TRIM5: variants seen among roughly 807,000 people sequenced by gnomAD.
TRIM5 encodes the protein tripartite motif-containing protein 5.
Under a neutral mutation model 35.6 loss-of-function variants are expected in TRIM5, and 31 were observed. That is an observed-to-expected ratio of 0.87 (90% confidence interval 0.65 to 1.18). The LOEUF is 1.18. Among genes scored for constraint, TRIM5 ranks in the 50% most tolerant of loss-of-function variants. TRIM5 has a pLI of 0.00. For synonymous variants in TRIM5, 243 were observed against 215.6 expected (o/e 1.13, Z -1.11); for missense variants, 609 against 591.6 (o/e 1.03, Z -0.31).
At chr11:5,608,400 T>A in the TRIM5 span, 2 of 1,613,702 alleles carry the variant, frequency 1.2e-6, no homozygotes, top group South Asian at 2.2e-5. Context: ...GAAAGGTATG[T>A]GTAAGGAGAA....
the TRIM5 span, among the ~76,000 whole-genome samples, chr11:5,655,907 G>T: frequency 2.0e-5 from 3 of 152,184 alleles, no homozygotes; most frequent in Non-Finnish European, 4.4e-5. Context: ...ATGGGGAAAG[G>T]ATTCTCTATT....
At chr11:5,636,903 T>C in the TRIM5 span, among the ~76,000 whole-genome samples, 5 of 152,198 alleles carry the variant, frequency 3.3e-5, no homozygotes, top group African/African-American at 9.7e-5. Flanking sequence ...TCCCAGCACT[T>C]TGGGAGGCCG....
chr11:5,678,467 A>C (rs371853208), intron 3 of TRIM5, 33 bp from the exon 4 acceptor site: 17 of 1,471,188 alleles, frequency 1.2e-5, no homozygotes, highest in Non-Finnish European at 1.5e-5. Flanking sequence ...AGGGGCACTC[A>C]GTCTACCAGG....
chr11:5,671,037 G>T (rs141556043), intron 4 of TRIM5, among the ~76,000 whole-genome samples: 37 of 152,090 alleles, frequency 2.4e-4, no homozygotes, highest in African/African-American at 8.4e-4. Context: ...ACCAGCCTGG[G>T]CAACATGGTG....
intron 3 of TRIM5, among the ~76,000 whole-genome samples, chr11:5,678,769 A>C (rs1852193095): frequency 6.6e-6 from 1 of 152,178 alleles, no homozygotes; most frequent in African/African-American, 2.4e-5. Context: ...TGAGGACAGA[A>C]TCATGAGCCA....
At chr11:5,609,472 C>T in the TRIM5 span, among the ~76,000 whole-genome samples, 2 of 152,158 alleles carry the variant, frequency 1.3e-5, no homozygotes, top group African/African-American at 4.8e-5. Context: ...CATCTTCAAC[C>T]CCTCTGATTT....
chr11:5,643,106 T>C, the TRIM5 span: 1 of 1,075,100 alleles, frequency 9.3e-7, no homozygotes, highest in Non-Finnish European at 1.2e-6. Flanking sequence ...GATGATTATA[T>C]TCATATACAT....
chr11:5,611,415 TTCTG>T, the TRIM5 span: 1 of 1,200,106 alleles, frequency 8.3e-7, no homozygotes, highest in Non-Finnish European at 1.2e-6. Flanking sequence ...CCTTCTGATC[TTCTG>T]TTTTTCTGTG....
the TRIM5 span, chr11:5,642,655 A>G: frequency 7.3e-7 from 1 of 1,378,164 alleles, no homozygotes; most frequent in East Asian, 2.5e-5. Context: ...GGATGCATTT[A>G]TATGTAAGGA....
chr11:5,639,077 C>T, the TRIM5 span, among the ~76,000 whole-genome samples: 5 of 152,048 alleles, frequency 3.3e-5, no homozygotes, highest in African/African-American at 1.2e-4. Context: ...GGCCCTGGTA[C>T]AAGTTGTATG....
the TRIM5 span, chr11:5,612,489 A>ATATT: frequency 2.0e-5 from 3 of 152,238 alleles, no homozygotes; most frequent in South Asian, 2.1e-4. Context: ...AATCCAATAC[A>ATATT]TATTTTTCTC....
At chr11:5,609,837 C>T in the TRIM5 span, among the ~76,000 whole-genome samples, 19 of 152,236 alleles carry the variant, frequency 1.2e-4, no homozygotes, top group East Asian at 5.8e-4. Flanking sequence ...GCAGGAGAAT[C>T]GCTTGAACCT....
Position 5,664,897 on chromosome 11 carries a change from G to T in TRIM5, c.1394C>A (p.Ser465Tyr), listed in dbSNP as rs769243083. 2 of 1,613,998 alleles carry T rather than the reference G, an allele frequency of 1.2e-6. No individual in the cohort carries two copies. Among genetic ancestry groups the T allele is most frequent in the Middle Eastern group, 1.7e-4 (1 of 6,060 alleles). Residue 465 changes from serine (S) to tyrosine (Y), a missense_variant, in exon 8 of 8, where the codon TCT becomes TAT. Coordinates refer to ENST00000380034, the MANE Select transcript of TRIM5 (RefSeq NM_033034.3). ...TACAGGCTGAGAAAAAGAACAGTGAGAAAACTTATAGATGAGAAATCCATG... is the reference window on the plus strand; with the variant it reads ...TACAGGCTGAGAAAAAGAACAGTGATAAAACTTATAGATGAGAAATCCATG... ...TNHGFLIYKF[S>Y]HCSFSQPVFP...
chr11:5,596,285 G>C, the TRIM5 span: 2 of 154,164 alleles, frequency 1.3e-5, 1 homozygote, highest in Middle Eastern at 6.4e-3. Context: ...ACGGGTGAAA[G>C]AAGAATGAGG....
At chr11:5,642,920 A>C in the TRIM5 span, 1 of 1,585,808 alleles carries the variant, frequency 6.3e-7, no homozygotes, top group Non-Finnish European at 8.6e-7. Flanking sequence ...ATATCTTCTG[A>C]TCTTAGCCTC....
intron 4 of TRIM5, among the ~76,000 whole-genome samples, chr11:5,677,533 G>C (rs1290331202): frequency 6.6e-6 from 1 of 152,214 alleles, no homozygotes; most frequent in Non-Finnish European, 1.5e-5. Context: ...AACCATTGTG[G>C]AAGTCAGTGT....
At chr11:5,683,633 G>A (rs1021596801) in intron 1 of TRIM5, among the ~76,000 whole-genome samples, 4 of 152,124 alleles carry the variant, frequency 2.6e-5, no homozygotes, top group Non-Finnish European at 4.4e-5. Context: ...TGCACCAATC[G>A]ACACTCTGTA....
the TRIM5 span, among the ~76,000 whole-genome samples, chr11:5,604,178 G>A: frequency 1.6e-4 from 21 of 131,166 alleles, no homozygotes; most frequent in South Asian, 1.8e-3. Flanking sequence ...GTGTGTGTGC[G>A]TGTGTGTGTG....
chr11:5,634,590 C>T, the TRIM5 span: 1 of 1,580,676 alleles, frequency 6.3e-7, no homozygotes, highest in Non-Finnish European at 8.6e-7. Flanking sequence ...AGGCCTTAGC[C>T]TGACAAACTT....
Sources: allele counts gnomAD v4.1 joint callset (sites outside exome capture counted in the v4.1 genomes callset), GRCh38; gene constraint gnomAD v4.1.1; transcripts MANE v1.5; gene names NCBI Gene and HGNC (gene_info 2026-07-23, HGNC 2026-07-21).